The following PIK3C2G variants were observed in gnomAD, a reference collection of about 807,000 sequenced individuals.
PIK3C2G encodes the protein phosphatidylinositol 3-kinase C2 domain-containing subunit gamma.
In PIK3C2G, 168 loss-of-function variants were observed where a neutral mutation model predicts 181.1. The observed-to-expected ratio is 0.93, with a 90% confidence interval of 0.82 to 1.05. The LOEUF (loss-of-function observed/expected upper bound fraction) is 1.05, where lower values mean the gene tolerates loss of function less well. Among genes scored for constraint, PIK3C2G ranks in the 50% least tolerant of loss-of-function variants. The pLI is 0.00. For missense variants in PIK3C2G, 1,869 were observed against 1,732.8 expected, an observed-to-expected ratio of 1.08 and a Z score of -1.40; for synonymous variants, 573 against 592.2, an observed-to-expected ratio of 0.97 and a Z score of 0.47.
chr12:18,652,193 A>T (rs1950547252), downstream of PIK3C2G, among the ~76,000 whole-genome samples: 1 of 152,098 alleles, frequency 6.6e-6, no homozygotes, highest in African/African-American at 2.4e-5. Context: ...CTAAAGATGT[A>T]ATTATTTAAG....
At chr12:18,711,077 A>G in the PIK3C2G span, among the ~76,000 whole-genome samples, 2 of 152,222 alleles carry the variant, frequency 1.3e-5, no homozygotes, top group East Asian at 1.9e-4. Context: ...ATAAAGACAT[A>G]TGCACATATA....
intron 13 of PIK3C2G, among the ~76,000 whole-genome samples, chr12:18,377,769 A>G (rs1460862575): frequency 6.6e-6 from 1 of 152,206 alleles, no homozygotes; most frequent in Non-Finnish European, 1.5e-5. Flanking sequence ...GTAATACTTT[A>G]AAAAATGACC....
chr12:18,401,094 C>T (rs1351973123), intron 16 of PIK3C2G, among the ~76,000 whole-genome samples: 1 of 152,038 alleles, frequency 6.6e-6, no homozygotes, highest in African/African-American at 2.4e-5. Flanking sequence ...CTCAGAGCTA[C>T]TCAAGGCAAA....
intron 18 of PIK3C2G, among the ~76,000 whole-genome samples, chr12:18,474,948 T>C (rs1832135148): frequency 6.6e-6 from 1 of 152,086 alleles, no homozygotes; most frequent in Admixed American, 6.6e-5. Flanking sequence ...AGCACTATCA[T>C]CCAACCTCTA....
intron 31 of PIK3C2G, among the ~76,000 whole-genome samples, chr12:18,637,255 A>G (rs757436321): frequency 6.6e-6 from 1 of 152,178 alleles, no homozygotes; most frequent in South Asian, 2.1e-4. Context: ...GATAGTATCC[A>G]AGAGTCTTTC....
chr12:18,691,447 A>G, the PIK3C2G span, among the ~76,000 whole-genome samples: 2 of 152,160 alleles, frequency 1.3e-5, no homozygotes, highest in African/African-American at 4.8e-5. Context: ...ATGTTTATGT[A>G]ACAGAATCCA....
intron 18 of PIK3C2G, among the ~76,000 whole-genome samples, chr12:18,471,046 G>GA (rs1938409967): frequency 6.6e-6 from 1 of 151,930 alleles, no homozygotes; most frequent in Admixed American, 6.6e-5. Flanking sequence ...CCTAAGCATC[G>GA]AATCAGACTT....
At chr12:18,622,125 A>G (rs1447839159) in intron 31 of PIK3C2G, among the ~76,000 whole-genome samples, 3 of 151,930 alleles carry the variant, frequency 2.0e-5, no homozygotes. Flanking sequence ...TATTAGTGAT[A>G]TTCAGCATGC....
intron 18 of PIK3C2G, among the ~76,000 whole-genome samples, 195 bp from the exon 19 acceptor site, chr12:18,488,254 C>A (rs1940239529): frequency 6.6e-6 from 1 of 152,060 alleles, no homozygotes; most frequent in Non-Finnish European, 1.5e-5. Context: ...ATTCTTCACT[C>A]TTGGAATCTC....
intron 18 of PIK3C2G, among the ~76,000 whole-genome samples, chr12:18,472,917 C>T (rs1938590083): frequency 6.6e-6 from 1 of 152,134 alleles, no homozygotes; most frequent in African/African-American, 2.4e-5. Flanking sequence ...CCAGGCTGGT[C>T]ACAAACTCCT....
intron 8 of PIK3C2G, among the ~76,000 whole-genome samples, chr12:18,325,491 G>A (rs539347180): frequency 4.6e-5 from 7 of 152,166 alleles, no homozygotes; most frequent in Non-Finnish European, 8.8e-5. Flanking sequence ...TGCAGATCAC[G>A]AGGTCAAGAG....
chr12:18,592,536 A>G (rs1947139309), intron 29 of PIK3C2G, among the ~76,000 whole-genome samples: 1 of 151,944 alleles, frequency 6.6e-6, no homozygotes, highest in Non-Finnish European at 1.5e-5. Flanking sequence ...TTAGTGGCAG[A>G]AACCTGAATG....
the PIK3C2G span, among the ~76,000 whole-genome samples, chr12:18,726,439 C>G: frequency 2.0e-5 from 3 of 152,146 alleles, no homozygotes; most frequent in Non-Finnish European, 2.9e-5. Context: ...TGCTTCAAGA[C>G]CGTGAACATC....
chr12:18,590,101 A>G (rs1946997926), intron 29 of PIK3C2G, among the ~76,000 whole-genome samples: 1 of 149,730 alleles, frequency 6.7e-6, no homozygotes, highest in Non-Finnish European at 1.5e-5. Flanking sequence ...TATAGTATAC[A>G]GTAGTTAAAT....
chr12:18,318,153 T>G (rs533016425), intron 6 of PIK3C2G, among the ~76,000 whole-genome samples: 26 of 152,336 alleles, frequency 1.7e-4, no homozygotes, highest in African/African-American at 6.3e-4. Flanking sequence ...ATGACTTTTG[T>G]TGATATATCA....
At chr12:18,359,556 A>G (rs1941050113) in intron 11 of PIK3C2G, among the ~76,000 whole-genome samples, 1 of 152,064 alleles carries the variant, frequency 6.6e-6, no homozygotes, top group Admixed American at 6.6e-5. Context: ...ATTGCTGTCT[A>G]TTTATTCCTT....
chr12:18,295,534 C>T (rs527531770), intron 5 of PIK3C2G, among the ~76,000 whole-genome samples: 5 of 151,998 alleles, frequency 3.3e-5, no homozygotes, highest in African/African-American at 7.2e-5. Context: ...AATTTACACA[C>T]CTTGATTTAA....
intron 1 of PIK3C2G, among the ~76,000 whole-genome samples, chr12:18,254,357 A>C (rs979689619): frequency 7.2e-5 from 11 of 152,164 alleles, no homozygotes; most frequent in African/African-American, 2.7e-4. Flanking sequence ...GGAGAGCTGT[A>C]GGAATCTCGA....
At chr12:18,481,801 T>G (rs1939585011) in intron 18 of PIK3C2G, among the ~76,000 whole-genome samples, 1 of 152,014 alleles carries the variant, frequency 6.6e-6, no homozygotes, top group South Asian at 2.1e-4. Context: ...TGGGTCAAGG[T>G]TCCCCAAAAT....
Sources: gnomAD v4.1 joint callset for allele counts (sites outside exome capture counted in the v4.1 genomes callset) on GRCh38, gnomAD v4.1.1 for gene constraint, MANE v1.5 for transcripts, NCBI Gene and HGNC (gene_info 2026-07-23, HGNC 2026-07-21) for gene names.